SCN9A: variants seen among roughly 807,000 people sequenced by gnomAD.
SCN9A encodes the protein sodium voltage-gated channel alpha subunit 9, also known as sodium channel protein type 9 subunit alpha.
SCN9A carries 131 observed loss-of-function variants against 187.0 expected under a neutral mutation model. The ratio of observed to expected loss-of-function variants is 0.70; its 90% CI spans 0.61 to 0.81. The LOEUF (loss-of-function observed/expected upper bound fraction) is 0.81. SCN9A is among the 30% of genes least tolerant of loss of function. The pLI, the probability that SCN9A is intolerant of heterozygous loss-of-function variation, is 0.00. For synonymous variants in SCN9A, 809 were observed against 808.6 expected (o/e 1.00, Z -0.01); for missense variants, 2,252 against 2,396.6 (o/e 0.94, Z 1.26).
chr2:166,227,531 A>G, intron 23 of SCN9A, 139 bp downstream of exon 23: 1 of 652,178 alleles, frequency 1.5e-6, no homozygotes, highest in Non-Finnish European at 2.8e-6. Context: ...ACTCACAACC[A>G]CTAGGCTACT....
In SCN9A at chr2:166,294,648, A is replaced by G; in HGVS notation, c.916T>C (p.Leu306=). 1 of 1,606,708 alleles carries G rather than the reference A, an allele frequency of 6.2e-7. No individual in the cohort carries two copies. Residue 306 remains leucine, a synonymous_variant, in exon 8 of 27, where the codon TTG becomes CTG. Transcript: ENST00000642356. ...EEDFRKYFYY[L]EGSKDALLCG... Reference sequence around the variant, plus strand: ...AGGAGAGCATCTTTGGATCCTTCCAAGTAATAAAAATATTCTGTTGAAGAA... The same window carrying G: ...AGGAGAGCATCTTTGGATCCTTCCAGGTAATAAAAATATTCTGTTGAAGAA...
Position 166,233,466 on chromosome 2 carries a change from T to A in SCN9A, c.3802-4A>T. The stretch of plus-strand genomic sequence containing the variant: ...CCACTAAAGTAACCAAAGAAACCTA[T>A]AAAAATAACATTTTCATTAATTGTG... On this transcript the variant is annotated splice_region_variant and splice_polypyrimidine_tract_variant and intron_variant, in intron 20 of 26. Coordinates refer to ENST00000642356, the MANE Select transcript of SCN9A (RefSeq NM_001365536.1). The A allele has an allele frequency of 3.8e-6, 6 of 1,559,110 alleles. No homozygotes were observed. Among genetic ancestry groups the A allele is most frequent in the Non-Finnish European group, 5.2e-6 (6 of 1,162,242 alleles).
At chr2:166,361,206 T>C (rs1700276063) in intron 1 of SCN9A, among the ~76,000 whole-genome samples, 1 of 143,220 alleles carries the variant, frequency 7.0e-6, no homozygotes, top group Non-Finnish European at 1.6e-5. Context: ...GCACAATACA[T>C]TGTAACTGTT....
At chr2:166,251,645 G>A in intron 18 of SCN9A, 120 bp downstream of exon 18, 2 of 1,035,586 alleles carry the variant, frequency 1.9e-6, no homozygotes, top group Non-Finnish European at 2.9e-6. Flanking sequence ...AGCTATAGCT[G>A]AATCAGCATG....
chr2:166,270,135 A>G (rs1696910884), intron 17 of SCN9A, among the ~76,000 whole-genome samples: 2 of 152,108 alleles, frequency 1.3e-5, no homozygotes, highest in African/African-American at 4.8e-5. Flanking sequence ...CAAATAAAAT[A>G]CAGCTGGCCT....
At chr2:166,253,895 C>T (rs542869668) in intron 17 of SCN9A, among the ~76,000 whole-genome samples, 2 of 151,708 alleles carry the variant, frequency 1.3e-5, no homozygotes, top group South Asian at 2.1e-4. Flanking sequence ...TTTCTCTGAG[C>T]TGGTAACAAC....
rs1697760680 is a variant in SCN9A at position 166,286,629 on chromosome 2, T to C, written c.1315-6A>G. On this transcript the variant is annotated splice_region_variant and splice_polypyrimidine_tract_variant and intron_variant, in intron 10 of 26. Coordinates refer to ENST00000642356, the MANE Select transcript of SCN9A (RefSeq NM_001365536.1). The stretch of plus-strand genomic sequence containing the variant: ...GCCGCTGCCGCTGCAATTGCCTGGT[T>C]GGGCCAAGACGTTAACACTTAAATG... 2.0e-6 allele frequency: 3 copies of C among 1,528,338 alleles called. No individual in the cohort carries two copies. Among genetic ancestry groups the C allele is most frequent in the Non-Finnish European group, 2.6e-6 (3 of 1,143,570 alleles). The allele number at this position is 1,528,338 out of a possible 1,614,324, so 94.7% of individuals were successfully genotyped here.
intron 17 of SCN9A, among the ~76,000 whole-genome samples, chr2:166,269,220 G>T (rs963875443): frequency 6.6e-6 from 1 of 151,832 alleles, no homozygotes; most frequent in African/African-American, 2.4e-5. Context: ...ATACGCTTTC[G>T]GAAGGGCTCA....
At position 166,368,319 on chromosome 2, in the gene SCN9A, G is replaced by A. The variant is rs544410928; in HGVS notation, c.-51+7378C>T. ...ATGTTAGCAAGATGTAAACTTTTCCGTATGTATTTTTCCTTGTAACAGCAT... is the reference window on the plus strand; with the variant it reads ...ATGTTAGCAAGATGTAAACTTTTCCATATGTATTTTTCCTTGTAACAGCAT... On this transcript the variant is annotated intron_variant, in intron 1 of 26. Coordinates refer to ENST00000642356, the MANE Select transcript of SCN9A (RefSeq NM_001365536.1). 2.6e-5 allele frequency among the ~76,000 whole-genome samples: 4 copies of A among 152,170 alleles called. No homozygotes were observed. The East Asian group carries it at 5.8e-4, about 22-fold the overall frequency.
chr2:166,200,806 TTG>T (rs1322835879), intron 26 of SCN9A, among the ~76,000 whole-genome samples: 1 of 152,112 alleles, frequency 6.6e-6, no homozygotes, highest in Non-Finnish European at 1.5e-5. Flanking sequence ...TGGTTAATTT[TTG>T]TGTTTTTGGT....
intron 19 of SCN9A, 55 bp from the exon 20 acceptor site, chr2:166,238,322 T>G: frequency 8.4e-7 from 1 of 1,184,748 alleles, no homozygotes; most frequent in Non-Finnish European, 1.2e-6. Context: ...TCATGATTCA[T>G]TTAAAAAAAA....
intron 20 of SCN9A, among the ~76,000 whole-genome samples, chr2:166,236,548 G>A (rs967662245): frequency 1.3e-5 from 2 of 152,100 alleles, no homozygotes; most frequent in African/African-American, 4.8e-5. Flanking sequence ...AGCCTCCTGA[G>A]TAGCTGGGAT....
intron 6 of SCN9A, among the ~76,000 whole-genome samples, chr2:166,303,807 C>G (rs747470520): frequency 6.6e-6 from 1 of 151,964 alleles, no homozygotes; most frequent in Non-Finnish European, 1.5e-5. Flanking sequence ...AATGGAAAAA[C>G]AAACCCTCAG....
rs1698639365 is a variant in SCN9A at position 166,303,300 on chromosome 2, G to C, written c.691C>G (p.Leu231Val). 3 of 1,610,706 alleles carry C rather than the reference G, an allele frequency of 1.9e-6. No homozygotes were observed. Among genetic ancestry groups the C allele is most frequent in the Non-Finnish European group, 2.5e-6 (3 of 1,178,980 alleles). The change falls in exon 7 of 27, where the codon CTG becomes GTG. Residue 231 changes from leucine (L) to valine (V), a missense_variant and splice_region_variant. Physicochemically the swap from Leu to Val is conservative, Grantham distance 32. Coordinates refer to ENST00000642356, the MANE Select transcript of SCN9A (RefSeq NM_001365536.1). ...ALKTISVIPG[L>V]KTIVGALIQS... is the part of the protein sequence containing the mutation. ...ATCAAAGCCCCTACAATTGTCTTCA[G>C]GCCTGAAAATGGGAGAAAAAAGTGT...
At chr2:166,321,703 A>G (rs971019195) in intron 1 of SCN9A, among the ~76,000 whole-genome samples, 4 of 152,108 alleles carry the variant, frequency 2.6e-5, no homozygotes, top group Non-Finnish European at 5.9e-5. Flanking sequence ...AAGTTTTTCA[A>G]TGTTTTAATA....
rs1241763724 is a variant in SCN9A at position 166,227,535 on chromosome 2, G to A, written c.4260+135C>T. The A allele has an allele frequency of 7.6e-6, 5 of 656,650 alleles. No homozygotes were observed. In the African/African-American group the frequency reaches 9.1e-5, roughly 12 times the overall value. 40.7% of individuals were successfully genotyped at this position (656,650 alleles called of 1,614,324 possible). A position where few individuals can be genotyped will look rare whatever the true frequency, so the allele number is the denominator to read the frequency against. ...CCAACTGCTGTACTCACAACCACTA[G>A]GCTACTATCAGGTGGATGTTCTTCA... is the stretch of plus-strand genomic sequence containing the variant. On this transcript the variant is annotated intron_variant, in intron 23 of 26. Transcript: ENST00000642356.
chr2:166,292,251 G>A (rs983479924), intron 9 of SCN9A, among the ~76,000 whole-genome samples: 4 of 151,908 alleles, frequency 2.6e-5, no homozygotes, highest in Admixed American at 1.3e-4. Flanking sequence ...ATTAATAATT[G>A]TATAATGTAA....
At chr2:166,218,865 G>A (rs1221404827) in intron 24 of SCN9A, among the ~76,000 whole-genome samples, 3 of 151,682 alleles carry the variant, frequency 2.0e-5, no homozygotes, top group South Asian at 2.1e-4. Flanking sequence ...ACTTAAATGA[G>A]TTTACAAGAA....
intron 1 of SCN9A, among the ~76,000 whole-genome samples, chr2:166,348,149 A>T (rs191918328): frequency 9.1e-4 from 139 of 152,224 alleles, no homozygotes; most frequent in Non-Finnish European, 1.6e-3. Flanking sequence ...AGCCAATGAA[A>T]ATTAGTTAAT....
Sources: gnomAD v4.1 joint callset for allele counts (sites outside exome capture counted in the v4.1 genomes callset) on GRCh38, gnomAD v4.1.1 for gene constraint, MANE v1.5 for transcripts, NCBI Gene and HGNC (gene_info 2026-07-23, HGNC 2026-07-21) for gene names.